The following N4BP2 variants were observed in gnomAD, a reference collection of about 807,000 sequenced individuals.
N4BP2 encodes the protein NEDD4-binding protein 2.
N4BP2 carries 91 observed loss-of-function variants against 152.8 expected under a neutral mutation model. That is an observed-to-expected ratio of 0.60 (90% confidence interval 0.50 to 0.71). The LOEUF is 0.71. Ranked by LOEUF, N4BP2 falls within the 30% of genes least tolerant of loss-of-function variation. N4BP2 has a pLI of 0.00. For missense variants in N4BP2, 1,923 were observed against 2,059.1 expected (o/e 0.93, Z 1.28); for synonymous variants, 646 against 705.3 (o/e 0.92, Z 1.33).
intron 2 of N4BP2, among the ~76,000 whole-genome samples, chr4:40,092,540 A>G (rs1714706990): frequency 6.6e-6 from 1 of 151,684 alleles, no homozygotes; most frequent in African/African-American, 2.4e-5. Flanking sequence ...CAGTCTTGCT[A>G]GTCTTTCAGT....
chr4:40,150,316 C>G (rs186006441), intron 16 of N4BP2, among the ~76,000 whole-genome samples: 18 of 152,222 alleles, frequency 1.2e-4, no homozygotes, highest in Admixed American at 1.1e-3. Flanking sequence ...TTACAGGGGA[C>G]AGAGGAACAT....
At chr4:40,145,069 A>G (rs960375762) in intron 16 of N4BP2, among the ~76,000 whole-genome samples, 13 of 152,244 alleles carry the variant, frequency 8.5e-5, no homozygotes, top group Non-Finnish European at 1.8e-4. Context: ...TGTGACTTAT[A>G]AATGAGACCT....
intron 2 of N4BP2, among the ~76,000 whole-genome samples, chr4:40,076,845 C>A (rs928335588): frequency 3.3e-5 from 5 of 152,076 alleles, no homozygotes; most frequent in South Asian, 2.1e-4. Flanking sequence ...TAGCATCTAC[C>A]TTTTTCTTAT....
intron 2 of N4BP2, among the ~76,000 whole-genome samples, chr4:40,088,685 A>G (rs1714227472): frequency 6.6e-6 from 1 of 152,010 alleles, no homozygotes; most frequent in Non-Finnish European, 1.5e-5. Flanking sequence ...TTTTTACTAG[A>G]AACGGGGTTT....
chr4:40,189,481 C>G, the N4BP2 span, among the ~76,000 whole-genome samples: 1 of 152,126 alleles, frequency 6.6e-6, no homozygotes, highest in Non-Finnish European at 1.5e-5. The surrounding 1 kb of genome is among the most constrained non-coding windows in gnomAD (Gnocchi z 4.3). Flanking sequence ...CAGCTTCTCC[C>G]GCTCGCAGGT....
In N4BP2 at chr4:40,122,249, T is replaced by G. The variant is rs1388885841; in HGVS notation, c.4138T>G (p.Leu1380Val). Residue 1380 changes from leucine to valine, a missense_variant, in exon 9 of 18, where the codon TTA becomes GTA. Transcript: ENST00000261435. ...SLTIDCLELA[L>V]PPELAFQLNE... Reference sequence around the variant, plus strand: ...GACCATAGACTGTCTGGAATTGGCATTACCCCCTGAACTGGCTTTTCAACT... The same window carrying G: ...GACCATAGACTGTCTGGAATTGGCAGTACCCCCTGAACTGGCTTTTCAACT... The G allele has an allele frequency of 6.2e-7, 1 of 1,605,712 alleles. No homozygotes were observed. The highest frequency in any genetic ancestry group is 8.5e-7 in the Non-Finnish European group (1 of 1,175,468).
At chr4:40,108,009 C>G (rs186325499) in intron 5 of N4BP2, among the ~76,000 whole-genome samples, 4 of 147,992 alleles carry the variant, frequency 2.7e-5, no homozygotes, top group Non-Finnish European at 6.0e-5. Context: ...CTGCAACCTC[C>G]GCCTCCCACG....
Position 40,102,910 on chromosome 4 carries a change from T to C in N4BP2, c.1065T>C (p.Pro355=), listed in dbSNP as rs1385669744. 1 of 1,614,136 alleles carries C rather than the reference T, an allele frequency of 6.2e-7. No homozygotes were observed. The highest frequency in any genetic ancestry group is 1.1e-5 in the South Asian group (1 of 91,072). Reference sequence around the variant, plus strand: ...TTGCTCCTCTCCCATTGCTGTTGCCTCCTCCGCCACCTCCACCGATGTGGA... The same window carrying C: ...TTGCTCCTCTCCCATTGCTGTTGCCCCCTCCGCCACCTCCACCGATGTGGA... ...PVLAPLPLLL[P]PPPPPPMWNP... The change falls in exon 4 of 18, where the codon CCT becomes CCC. Residue 355 remains proline, a synonymous_variant. Transcript: ENST00000261435.
rs199964037 is a variant in N4BP2 at position 40,144,619 on chromosome 4, G to A, written c.4975-13G>A. ...CAGCAAAACTGTCCCTTGGTGATAT[G>A]TTTATGATTTAGGGTACTCTTCATG... is the stretch of plus-strand genomic sequence containing the variant. On this transcript the variant is annotated splice_polypyrimidine_tract_variant and intron_variant, in intron 15 of 17. Coordinates refer to ENST00000261435, the MANE Select transcript of N4BP2 (RefSeq NM_018177.6). 1.3e-6 allele frequency: 2 copies of A among 1,597,036 alleles called. No homozygotes were observed. Among genetic ancestry groups the A allele is most frequent in the South Asian group, 2.3e-5 (2 of 88,222 alleles).
chr4:40,078,849 A>G (rs979431224), intron 2 of N4BP2, among the ~76,000 whole-genome samples: 1 of 151,938 alleles, frequency 6.6e-6, no homozygotes, highest in Non-Finnish European at 1.5e-5. Context: ...TATCAATAGT[A>G]AAGTTTGGGA....
At chr4:40,074,100 C>CT (rs539563599) in intron 2 of N4BP2, among the ~76,000 whole-genome samples, 22 of 149,464 alleles carry the variant, frequency 1.5e-4, no homozygotes, top group Non-Finnish European at 2.5e-4. Flanking sequence ...CTTGTTTTTG[C>CT]TTTTTTTTGA....
At chr4:40,148,631 T>G (rs901775088) in intron 16 of N4BP2, among the ~76,000 whole-genome samples, 18 of 152,216 alleles carry the variant, frequency 1.2e-4, no homozygotes, top group African/African-American at 4.3e-4. Context: ...GATTTTCCCC[T>G]TTTAAAAAAT....
intron 4 of N4BP2, among the ~76,000 whole-genome samples, chr4:40,104,409 G>GT (rs35556710): frequency 2.7e-4 from 40 of 149,798 alleles, no homozygotes; most frequent in Non-Finnish European, 4.3e-4. Flanking sequence ...CTTATTTTTA[G>GT]TTTTTTTTTT....
rs1257135280 is a variant in N4BP2 at position 40,068,976 on chromosome 4, C to T, written c.-211-4479C>T. Among the ~76,000 whole-genome samples, 10 of 150,400 alleles carry T rather than the reference C, an allele frequency of 6.6e-5. No homozygotes were observed. The East Asian group carries it at 1.8e-3, about 27-fold the overall frequency. On this transcript the variant is annotated intron_variant, in intron 1 of 17. Transcript: ENST00000261435. ...CTCTACTAAAAATACAAAAATTAGC[C>T]GGGCATGGTGGCGGGCGCCTGTAAT...
At chr4:40,092,483 C>A (rs1714702535) in intron 2 of N4BP2, among the ~76,000 whole-genome samples, 1 of 151,758 alleles carries the variant, frequency 6.6e-6, no homozygotes, top group South Asian at 2.1e-4. Flanking sequence ...AGTAATATCC[C>A]TTTTTCATTC....
At chr4:40,144,216 G>T (rs1290639176) in intron 15 of N4BP2, among the ~76,000 whole-genome samples, 1 of 152,200 alleles carries the variant, frequency 6.6e-6, no homozygotes. Flanking sequence ...ATGGAGGGGA[G>T]GTCTTCTTTC....
chr4:40,132,030 A>C (rs1718948572), intron 13 of N4BP2, 111 bp downstream of exon 13: 2 of 752,150 alleles, frequency 2.7e-6, no homozygotes, highest in South Asian at 3.4e-5. Context: ...AGTCTCTCCT[A>C]ATCTGTGGGT....
chr4:40,117,149 T>G (rs1717414937), intron 7 of N4BP2, among the ~76,000 whole-genome samples: 1 of 152,168 alleles, frequency 6.6e-6, no homozygotes, highest in African/African-American at 2.4e-5. Context: ...TCTCAGCATT[T>G]TTCTTTACAT....
intron 2 of N4BP2, among the ~76,000 whole-genome samples, chr4:40,078,833 A>T (rs193101397): frequency 6.6e-6 from 1 of 152,056 alleles, no homozygotes; most frequent in Non-Finnish European, 1.5e-5. Context: ...TTGGCCTCAG[A>T]ATTAGTATCA....
Sources: gnomAD v4.1 joint callset for allele counts (sites outside exome capture counted in the v4.1 genomes callset) on GRCh38, gnomAD v4.1.1 for gene constraint, Gnocchi (gnomAD v3.1) non-coding constraint, MANE v1.5 for transcripts, NCBI Gene and HGNC (gene_info 2026-07-23, HGNC 2026-07-21) for gene names.